The following DCC variants were observed in gnomAD, a reference collection of about 807,000 sequenced individuals.
The protein encoded by DCC is DCC netrin 1 receptor, also known as netrin receptor DCC.
Under a neutral mutation model 172.5 loss-of-function variants are expected in DCC, and 58 were observed. That is an observed-to-expected ratio of 0.34 (90% CI 0.27 to 0.42). DCC has a LOEUF of 0.42. DCC is among the 10% of genes least tolerant of loss of function. The probability of loss-of-function intolerance (pLI) is 1.00; values close to 1 mark genes in which losing one functional copy is unlikely to be tolerated. For missense variants in DCC, 1,740 were observed against 1,791.0 expected, an observed-to-expected ratio of 0.97 and a Z score of 0.51; for synonymous variants, 709 against 644.5, an observed-to-expected ratio of 1.10 and a Z score of -1.52.
At chr18:52,701,894 A>G (rs1386609925) in intron 1 of DCC, among the ~76,000 whole-genome samples, 1 of 152,188 alleles carries the variant, frequency 6.6e-6, no homozygotes, top group Non-Finnish European at 1.5e-5. Flanking sequence ...TAAGATTTCT[A>G]GTTATTATTG....
intron 1 of DCC, among the ~76,000 whole-genome samples, chr18:52,548,674 C>A (rs187158779): frequency 6.6e-6 from 1 of 152,088 alleles, no homozygotes; most frequent in Non-Finnish European, 1.5e-5. Flanking sequence ...CAGGCATCAG[C>A]GAAATCTCCC....
At position 53,070,810 on chromosome 18, in the gene DCC, C is replaced by G. The variant is rs556919370; in HGVS notation, c.1261+4644C>G. 2.6e-5 allele frequency among the ~76,000 whole-genome samples: 4 copies of G among 152,218 alleles called. No individual in the cohort carries two copies. The East Asian group carries it at 5.8e-4, about 22-fold the overall frequency. ...CCATTGTGACTGTCTTATATTTCCC[C>G]CTTACACATGATGGATTGCTTTTTC... On this transcript the variant is annotated intron_variant, in intron 7 of 28. Transcript: ENST00000442544.
At chr18:53,058,514 A>G (rs2042447591) in intron 5 of DCC, among the ~76,000 whole-genome samples, 1 of 152,158 alleles carries the variant, frequency 6.6e-6, no homozygotes, top group South Asian at 2.1e-4. Flanking sequence ...AGAGCTGTGA[A>G]TAGTATAACA....
chr18:53,040,703 G>C (rs2042157121), intron 5 of DCC, among the ~76,000 whole-genome samples: 1 of 151,918 alleles, frequency 6.6e-6, no homozygotes, highest in Admixed American at 6.6e-5. Context: ...AACCATCATA[G>C]CACACTGTAA....
At chr18:52,653,865 T>A (rs781340238) in intron 1 of DCC, among the ~76,000 whole-genome samples, 18 of 152,166 alleles carry the variant, frequency 1.2e-4, no homozygotes, top group Non-Finnish European at 2.2e-4. Context: ...CCATATGCAG[T>A]AGTGAGTTTT....
chr18:53,488,051 T>C (rs1433913382), intron 26 of DCC, among the ~76,000 whole-genome samples: 4 of 152,210 alleles, frequency 2.6e-5, no homozygotes, highest in South Asian at 2.1e-4. Context: ...AGTTTAGTAT[T>C]CGGTCTATTG....
intron 12 of DCC, among the ~76,000 whole-genome samples, chr18:53,230,680 C>G (rs576860358): frequency 6.6e-6 from 1 of 151,836 alleles, no homozygotes; most frequent in African/African-American, 2.4e-5. Flanking sequence ...GTAATTTTTT[C>G]CCTTACTTTG....
At chr18:53,191,639 A>G (rs1196164734) in intron 9 of DCC, among the ~76,000 whole-genome samples, 2 of 152,206 alleles carry the variant, frequency 1.3e-5, no homozygotes, top group Admixed American at 6.5e-5. Context: ...GACAATCTGA[A>G]ATTAAATTGA....
chr18:53,292,593 G>T (rs1367127559), intron 12 of DCC, among the ~76,000 whole-genome samples: 1 of 152,194 alleles, frequency 6.6e-6, no homozygotes, highest in Non-Finnish European at 1.5e-5. Flanking sequence ...AGAGGCTGAG[G>T]CAGGAGAATC....
intron 5 of DCC, among the ~76,000 whole-genome samples, chr18:53,046,561 A>T (rs964647897): frequency 4.0e-5 from 6 of 151,870 alleles, no homozygotes; most frequent in African/African-American, 1.2e-4. Flanking sequence ...GTGGAAGGTC[A>T]GTATATAGAA....
chr18:52,872,657 T>G (rs1410258503), intron 2 of DCC, among the ~76,000 whole-genome samples: 1 of 152,200 alleles, frequency 6.6e-6, no homozygotes, highest in Admixed American at 6.5e-5. Context: ...ACTGATAAAG[T>G]TGAACGTGTC....
At chr18:53,459,062 G>A (rs957558135) in intron 23 of DCC, among the ~76,000 whole-genome samples, 170 bp from the exon 24 acceptor site, 3 of 152,186 alleles carry the variant, frequency 2.0e-5, no homozygotes, top group Admixed American at 1.3e-4. Context: ...AGCTCCAGGG[G>A]GGAAGAGGAA....
intron 26 of DCC, among the ~76,000 whole-genome samples, chr18:53,495,383 C>T (rs1302197848): frequency 1.1e-5 from 1 of 93,068 alleles, no homozygotes; most frequent in Non-Finnish European, 2.2e-5. Flanking sequence ...GAGCAAGACT[C>T]CATCTCAAAA....
intron 21 of DCC, chr18:53,416,429 GTC>G: frequency 3.3e-6 from 2 of 608,568 alleles, no homozygotes; most frequent in Non-Finnish European, 6.0e-6. Context: ...TAAATTTTTA[GTC>G]TCTGTCTGCA....
chr18:52,385,746 G>A, intron 1 of DCC, among the ~76,000 whole-genome samples: 1 of 151,972 alleles, frequency 6.6e-6, no homozygotes, highest in South Asian at 2.1e-4. Flanking sequence ...TAGACCAAAT[G>A]AATTAATTAT....
chr18:53,298,527 CAAAAAAAAAAAAA>C (rs61387067), intron 12 of DCC, among the ~76,000 whole-genome samples: 3 of 33,090 alleles, frequency 9.1e-5, no homozygotes, highest in East Asian at 2.4e-3. Flanking sequence ...GACCCTGACT[CAAAAAAAAAAAAA>C]AAAAAAAAAA....
chr18:52,364,764 G>A (rs1223862017), intron 1 of DCC, among the ~76,000 whole-genome samples: 2 of 152,174 alleles, frequency 1.3e-5, no homozygotes, highest in Admixed American at 6.6e-5. Flanking sequence ...ATGAGTGGAA[G>A]TGGGCCAGGA....
At chr18:53,245,097 A>C (rs1382888542) in intron 12 of DCC, among the ~76,000 whole-genome samples, 1 of 152,118 alleles carries the variant, frequency 6.6e-6, no homozygotes, top group Non-Finnish European at 1.5e-5. Flanking sequence ...CAGAAATACC[A>C]TCTTACTATA....
intron 2 of DCC, among the ~76,000 whole-genome samples, chr18:52,878,435 C>T (rs921960067): frequency 6.6e-6 from 1 of 152,174 alleles, no homozygotes; most frequent in Non-Finnish European, 1.5e-5. Context: ...TTTGGGACTG[C>T]ATTAGTGTTA....
Sources: allele counts gnomAD v4.1 joint callset (sites outside exome capture counted in the v4.1 genomes callset), GRCh38; gene constraint gnomAD v4.1.1; transcripts MANE v1.5; gene names NCBI Gene and HGNC (gene_info 2026-07-23, HGNC 2026-07-21).